Variants in TUT4 observed in about 807,000 individuals in gnomAD.
The protein encoded by TUT4 is terminal uridylyltransferase 4.
TUT4 carries 36 observed loss-of-function variants against 192.2 expected under a neutral mutation model. The observed-to-expected ratio is 0.19, with a 90% CI of 0.14 to 0.25. The LOEUF is 0.25. Ranked by LOEUF, TUT4 falls within the 10% of genes least tolerant of loss-of-function variation. The probability of loss-of-function intolerance (pLI) is 1.00; values close to 1 mark genes in which losing one functional copy is unlikely to be tolerated. For missense variants in TUT4, 1,493 were observed against 1,957.2 expected, an observed-to-expected ratio of 0.76 and a Z score of 4.47; for synonymous variants, 618 against 666.0, an observed-to-expected ratio of 0.93 and a Z score of 1.11.
chr1:52,442,771 C>CTACATACT (rs1656053717), intron 24 of TUT4, among the ~76,000 whole-genome samples: 1 of 152,102 alleles, frequency 6.6e-6, no homozygotes, highest in African/African-American at 2.4e-5. Context: ...TTATGGAATA[C>CTACATACT]TACATACTGA....
chr1:52,513,118 G>C (rs914579347), intron 3 of TUT4, among the ~76,000 whole-genome samples: 1 of 145,390 alleles, frequency 6.9e-6, no homozygotes, highest in Non-Finnish European at 1.5e-5. Context: ...ATGAGACCCT[G>C]TCTCAAAAAA....
chr1:52,516,290 T>A (rs1424669885), intron 2 of TUT4, among the ~76,000 whole-genome samples: 1 of 152,114 alleles, frequency 6.6e-6, no homozygotes, highest in African/African-American at 2.4e-5. Context: ...TTCCAATCTA[T>A]CCATCAAGAG....
intron 5 of TUT4, among the ~76,000 whole-genome samples, chr1:52,496,711 A>G (rs554931870): frequency 8.5e-5 from 13 of 152,314 alleles, no homozygotes; most frequent in Admixed American, 8.5e-4. Context: ...AATATAACAA[A>G]ATAGTCCACT....
chr1:52,536,717 G>C (rs918254498), intron 1 of TUT4, among the ~76,000 whole-genome samples: 1 of 152,092 alleles, frequency 6.6e-6, no homozygotes, highest in South Asian at 2.1e-4. Context: ...AAGAGGGCGT[G>C]GTGGTGGGTG....
chr1:52,523,212 C>T (rs929919411), intron 2 of TUT4, among the ~76,000 whole-genome samples: 1 of 151,616 alleles, frequency 6.6e-6, no homozygotes, highest in African/African-American at 2.4e-5. Flanking sequence ...AGGCTGGTCT[C>T]GACCTCCTGA....
At chr1:52,458,589 C>G in intron 19 of TUT4, 140 bp from the exon 20 acceptor site, 1 of 555,358 alleles carries the variant, frequency 1.8e-6, no homozygotes. Flanking sequence ...CGTCTATAAT[C>G]CCAACACTCT....
chr1:52,539,911 A>C (rs1686041242), intron 1 of TUT4, among the ~76,000 whole-genome samples: 1 of 151,104 alleles, frequency 6.6e-6, no homozygotes, highest in Non-Finnish European at 1.5e-5. Context: ...CGTCTTAAAA[A>C]AAAAAAAACA....
intron 1 of TUT4, among the ~76,000 whole-genome samples, chr1:52,536,099 C>T (rs1185981378): frequency 2.6e-5 from 4 of 151,988 alleles, no homozygotes; most frequent in South Asian, 4.1e-4. Context: ...AATATAAAAG[C>T]CAATGTTATT....
chr1:52,450,716 A>G (rs1659135475), intron 20 of TUT4, among the ~76,000 whole-genome samples: 1 of 152,192 alleles, frequency 6.6e-6, no homozygotes, highest in African/African-American at 2.4e-5. Context: ...GCAGATTGTT[A>G]AGGCCAAAAT....
At chr1:52,508,121 ATTTTCT>A (rs1462068745) in intron 4 of TUT4, among the ~76,000 whole-genome samples, 9 of 151,934 alleles carry the variant, frequency 5.9e-5, no homozygotes, top group African/African-American at 2.2e-4. Context: ...CCTAGGTATG[ATTTTCT>A]TTTTAAGTTT....
Position 52,425,448 on chromosome 1 carries a change from A to G in TUT4, c.4771T>C (p.Phe1591Leu). 1.2e-6 allele frequency: 2 copies of G among 1,614,130 alleles called. No homozygotes were observed. The highest frequency in any genetic ancestry group is 1.7e-6 in the Non-Finnish European group (2 of 1,179,982). ...GGCCACGAAGCTGGGACAAGGGGGAAATGGGGACGCGGTGCATGTTCCCAA... is the reference window on the plus strand; with the variant it reads ...GGCCACGAAGCTGGGACAAGGGGGAGATGGGGACGCGGTGCATGTTCCCAA... ...IPWEHAPRPHFPLVPASWPYG... is the reference protein window; with the variant it reads ...IPWEHAPRPHLPLVPASWPYG... Residue 1591 changes from phenylalanine to leucine, a missense_variant, in exon 29 of 30, where the codon TTC (phenylalanine) becomes CTC (leucine). By Grantham distance (22) the Phe-to-Leu change is conservative (BLOSUM62 0). This residue lies in a region of TUT4 where 351 missense variants were observed against 397.8 expected (regional missense o/e 0.88). Transcript: ENST00000257177.
intron 1 of TUT4, among the ~76,000 whole-genome samples, chr1:52,530,123 A>G (rs1307333896): frequency 6.6e-6 from 1 of 152,092 alleles, no homozygotes; most frequent in East Asian, 1.9e-4. Flanking sequence ...GACTACAGGC[A>G]TGAGTCACTG....
chr1:52,543,482 ATTTT>A (rs60108324), intron 1 of TUT4, among the ~76,000 whole-genome samples: 2 of 134,970 alleles, frequency 1.5e-5, no homozygotes, highest in African/African-American at 5.9e-5. Context: ...AAAAGACTTA[ATTTT>A]TTTTTTTTTT....
chr1:52,468,054 G>T, intron 15 of TUT4, 127 bp downstream of exon 15: 1 of 656,928 alleles, frequency 1.5e-6, no homozygotes, highest in South Asian at 2.0e-5. Context: ...TCTTTTATTA[G>T]CACTGTATTC....
chr1:52,440,048 T>C (rs1409094274), intron 24 of TUT4, among the ~76,000 whole-genome samples: 1 of 152,200 alleles, frequency 6.6e-6, no homozygotes, highest in African/African-American at 2.4e-5. Context: ...TGATTTCACT[T>C]ATATGAAATG....
At chr1:52,488,675 T>C (rs892546221) in intron 9 of TUT4, among the ~76,000 whole-genome samples, 5 of 152,188 alleles carry the variant, frequency 3.3e-5, no homozygotes, top group African/African-American at 1.2e-4. Context: ...AAGGAGAATA[T>C]AGCATGACAA....
intron 4 of TUT4, among the ~76,000 whole-genome samples, chr1:52,498,902 TTATATATATATATATATATATA>T (rs60991652): frequency 0.062 from 1,444 of 23,294 alleles, 273 homozygotes; most frequent in Middle Eastern, 0.18. Context: ...AAAAAAAAAA[TTATATATATATATATATATATA>T]TATATATATA....
In TUT4 at chr1:52,481,879, G is replaced by A. The variant is rs557743791; in HGVS notation, c.1560C>T (p.Tyr520=). The part of the protein sequence containing the change: ...DSQTDGGIPS[Y]CFALMVMFFL... ...AAAACATCACCATTAAAGCAAAACA[G>A]TAAGAAGGGATTCCACCATCAGTTT... Residue 520 remains tyrosine, a synonymous_variant, in exon 10 of 30, where the codon TAC becomes TAT. Coordinates refer to ENST00000257177, the MANE Select transcript of TUT4 (RefSeq NM_001009881.3). The A allele has an allele frequency of 5.1e-5, 82 of 1,597,310 alleles. No individual in the cohort carries two copies. The highest frequency in any genetic ancestry group is 6.1e-5 in the Non-Finnish European group (72 of 1,175,690).
intron 24 of TUT4, among the ~76,000 whole-genome samples, chr1:52,441,735 C>G (rs1037138817): frequency 3.9e-5 from 6 of 152,064 alleles, no homozygotes; most frequent in African/African-American, 1.4e-4. Flanking sequence ...GTACTATATA[C>G]TTAAAATTGT....
Sources: gnomAD v4.1 joint callset for allele counts (sites outside exome capture counted in the v4.1 genomes callset) on GRCh38, gnomAD v4.1.1 for gene constraint, gnomAD v4.1.1 regional missense constraint, MANE v1.5 for transcripts, NCBI Gene and HGNC (gene_info 2026-07-23, HGNC 2026-07-21) for gene names.